The following SH2D6 variants were observed in gnomAD, a reference collection of about 807,000 sequenced individuals.
The protein encoded by SH2D6 is SH2 domain-containing protein 6.
SH2D6 carries 31 observed loss-of-function variants against 30.2 expected under a neutral mutation model. The observed-to-expected ratio is 1.03, with a 90% CI of 0.77 to 1.38. The LOEUF is 1.38. Ranked by LOEUF, SH2D6 falls within the 40% of genes most tolerant of loss-of-function variation. SH2D6 has a pLI of 0.00. For missense variants in SH2D6, 240 were observed against 266.8 expected (o/e 0.90, Z 0.70); for synonymous variants, 93 against 104.6 (o/e 0.89, Z 0.68).
rs374037861 is a variant in SH2D6 at position 85,424,673 on chromosome 2, G to A, written c.-308-635G>A. 2.6e-5 allele frequency among the ~76,000 whole-genome samples: 4 copies of A among 152,276 alleles called. No homozygotes were observed. In the East Asian group the frequency reaches 5.8e-4, roughly 22 times the overall value. The stretch of plus-strand genomic sequence containing the variant: ...AAGTTGAGGCTGGAGGATCAGTTGA[G>A]TCCTAACCTAAACTTGAGGCATGAG... On this transcript the variant is annotated intron_variant, in intron 5 of 23. Transcript: ENST00000469800.
chr2:85,429,756 C>G (rs1285287832), intron 9 of SH2D6, 144 bp downstream of exon 9: 1 of 152,848 alleles, frequency 6.5e-6, no homozygotes, highest in Non-Finnish European at 1.5e-5. Flanking sequence ...GCCTCCACTT[C>G]CTGTCAGCAC....
At position 85,436,490 on chromosome 2, in the gene SH2D6, G is replaced by A. The variant is rs545657895; in HGVS notation, c.916G>A (p.Val306Ile). 45 of 1,613,646 alleles carry A rather than the reference G, an allele frequency of 2.8e-5. No individual in the cohort carries two copies. In the South Asian group the frequency reaches 4.6e-4, roughly 17 times the overall value. Residue 306 changes from valine (V) to isoleucine (I), a missense_variant, in exon 23 of 24, where the codon GTC becomes ATC. Coordinates refer to ENST00000469800, the MANE Select transcript of SH2D6 (RefSeq NM_001394463.1). ...GCTCTTCTCCTCCGTGGCGGCCATG[G>A]TCCAGCACTTCATGTGGCACCCTCT... Reference protein sequence around the residue: ...EELFSSVAAMVQHFMWHPLPL... With the variant: ...EELFSSVAAMIQHFMWHPLPL...
intron 5 of SH2D6, among the ~76,000 whole-genome samples, chr2:85,424,424 C>T (rs1489948048): frequency 6.6e-6 from 1 of 152,138 alleles, no homozygotes; most frequent in African/African-American, 2.4e-5. Flanking sequence ...TTCTTTCTTT[C>T]TATCTATATT....
intron 17 of SH2D6, 49 bp downstream of exon 17, chr2:85,434,160 G>A: frequency 6.5e-7 from 1 of 1,540,650 alleles, no homozygotes; most frequent in East Asian, 2.5e-5. Flanking sequence ...GTGAGACACA[G>A]AGAGAGACAG....
At chr2:85,433,008 A>G (rs371311488) in intron 14 of SH2D6, 91 bp from the exon 15 acceptor site, 2 of 973,050 alleles carry the variant, frequency 2.1e-6, no homozygotes, top group Non-Finnish European at 2.4e-6. Context: ...GAGGCACCCT[A>G]AGGAGACTCT....
intron 7 of SH2D6, among the ~76,000 whole-genome samples, chr2:85,428,965 A>G (rs576508092): frequency 6.6e-6 from 1 of 152,374 alleles, no homozygotes; most frequent in East Asian, 1.9e-4. Flanking sequence ...AAATACATCC[A>G]TCAAAAAATG....
intron 14 of SH2D6, 78 bp from the exon 15 acceptor site, chr2:85,433,021 T>C (rs1688938032): frequency 1.0e-6 from 1 of 983,934 alleles, no homozygotes; most frequent in Non-Finnish European, 1.2e-6. Flanking sequence ...GAGACTCTGC[T>C]TTTTCAGCCT....
rs1687781127 is a variant in SH2D6 at position 85,422,430 on chromosome 2, T to A, written c.-464T>A. On this transcript the variant is annotated splice_region_variant and 5_prime_UTR_variant, in exon 4 of 24. Transcript: ENST00000469800. ...GAAATTCCACTAAAATTTCCTTAAG[T>A]CAACAGGACACAGAATGGTCTGCCT... is the stretch of plus-strand genomic sequence containing the variant. 1 of 152,146 alleles carries A rather than the reference T, an allele frequency of 6.6e-6. No homozygotes were observed. Among genetic ancestry groups the A allele is most frequent in the Admixed American group, 6.5e-5 (1 of 15,270 alleles). The allele number at this position is 152,146 out of a possible 1,614,324, so 9.4% of individuals were successfully genotyped here.
Position 85,434,373 on chromosome 2 carries a change from A to AAGAGGCTG in SH2D6, c.564+5_564+12dup, listed in dbSNP as rs1377841327. 6.5e-7 allele frequency: 1 copy of AAGAGGCTG among 1,549,988 alleles called. No homozygotes were observed. The highest frequency in any genetic ancestry group is 2.4e-5 in the East Asian group (1 of 40,908). On this transcript the variant is annotated splice_donor_region_variant and intron_variant, in intron 18 of 23. Transcript: ENST00000469800. ...CAGCCCCCCAGGAAACTCGGAATGTAAGAGGCTGATGGTCAGGGGAGAAGA... is the reference window on the plus strand; with the variant it reads ...CAGCCCCCCAGGAAACTCGGAATGTAAGAGGCTGAGAGGCTGATGGTCAGGGGAGAAGA...
chr2:85,420,880 G>A (rs572848523), intron 2 of SH2D6: 1 of 152,498 alleles, frequency 6.6e-6, no homozygotes, highest in East Asian at 1.9e-4. Context: ...ACAGTGGCCC[G>A]GGACGGGGTG....
chr2:85,436,084 G>T (rs1689422547), intron 22 of SH2D6, among the ~76,000 whole-genome samples: 1 of 152,064 alleles, frequency 6.6e-6, no homozygotes, highest in Non-Finnish European at 1.5e-5. Flanking sequence ...AGGAGGGCGG[G>T]GTCCAGGATC....
At chr2:85,435,011 G>A in intron 19 of SH2D6, 54 bp from the exon 20 acceptor site, 1 of 932,144 alleles carries the variant, frequency 1.1e-6, no homozygotes, top group Non-Finnish European at 1.4e-6. Context: ...AGCCACCTTT[G>A]CCCACCCCCA....
At position 85,430,834 on chromosome 2, in the gene SH2D6, G is replaced by A. The variant is rs1349642508; in HGVS notation, c.250+182G>A. The stretch of plus-strand genomic sequence containing the variant: ...GGGCAGGGAGAGAGAGAGGGATGAA[G>A]GAACGGAGGGAGGGAGGGTGGGAGG... On this transcript the variant is annotated intron_variant, in intron 12 of 23. Coordinates refer to ENST00000469800, the MANE Select transcript of SH2D6 (RefSeq NM_001394463.1). The surrounding 1 kb of genome is among the most constrained non-coding windows in gnomAD (Gnocchi z 4.3). Among the ~76,000 whole-genome samples, 1 of 141,886 alleles carries A rather than the reference G, an allele frequency of 7.0e-6. No individual in the cohort carries two copies. Among genetic ancestry groups the A allele is most frequent in the Non-Finnish European group, 1.6e-5 (1 of 64,430 alleles). 93.1% of individuals were successfully genotyped at this position (141,886 alleles called of 152,430 possible).
chr2:85,427,911 A>T (rs552815829), intron 6 of SH2D6, among the ~76,000 whole-genome samples: 1 of 152,006 alleles, frequency 6.6e-6, no homozygotes, highest in Non-Finnish European at 1.5e-5. Flanking sequence ...GTGTCTCCCC[A>T]GTGCCCCCAG....
intron 6 of SH2D6, among the ~76,000 whole-genome samples, chr2:85,426,238 G>T (rs116054284): frequency 6.6e-6 from 1 of 152,076 alleles, no homozygotes; most frequent in Non-Finnish European, 1.5e-5. Flanking sequence ...GCTACACTTC[G>T]CCATCTTCTC....
rs924096562 is a variant in SH2D6, at chr2:85,434,696, C to T, written c.589+199C>T. 9.5e-6 allele frequency: 13 copies of T among 1,370,674 alleles called. No homozygotes were observed. In the African/African-American group the frequency reaches 1.8e-4, roughly 19 times the overall value. The allele number at this position is 1,370,674 out of a possible 1,614,324, so 84.9% of individuals were successfully genotyped here. On this transcript the variant is annotated intron_variant, in intron 19 of 23. Transcript: ENST00000469800. ...GTGGTCCTGCCAGGGCCTGCCCCAG[C>T]CCCAGCCCTGCAGGCCAGACTCCCT...
chr2:85,435,441 A>G lies in SH2D6; in HGVS notation c.677A>G (p.Tyr226Cys). Reference sequence around the variant, plus strand: ...AGTGATCTGCTGACTCAGCCTTGGTACTCGGGGAACTGTGACCGCTATGCT... The same window carrying G: ...AGTGATCTGCTGACTCAGCCTTGGTGCTCGGGGAACTGTGACCGCTATGCT... The part of the protein sequence containing the change: ...EDSDLLTQPW[Y>C]SGNCDRYAVE... The change falls in exon 21 of 24, where the codon TAC becomes TGC. Residue 226 changes from tyrosine to cysteine, a missense_variant. Physicochemically the swap from Tyr to Cys is radical, Grantham distance 194. Transcript: ENST00000469800. 4 of 1,613,850 alleles carry G rather than the reference A, an allele frequency of 2.5e-6. No homozygotes were observed. The highest frequency in any genetic ancestry group is 3.4e-6 in the Non-Finnish European group (4 of 1,179,976).
intron 7 of SH2D6, among the ~76,000 whole-genome samples, 180 bp downstream of exon 7, chr2:85,428,877 A>G (rs6741133): frequency 0.36 from 54,848 of 151,884 alleles, 10,201 homozygotes; most frequent in African/African-American, 0.46. Flanking sequence ...TTCCTGCTTC[A>G]TTTTCCTACG....
At chr2:85,423,319 C>T (rs185413433) in intron 5 of SH2D6, among the ~76,000 whole-genome samples, 2 of 152,334 alleles carry the variant, frequency 1.3e-5, no homozygotes, top group African/African-American at 4.8e-5. Context: ...GCAACTCCCA[C>T]CTCCCAGGTT....
Sources: gnomAD v4.1 joint callset for allele counts (sites outside exome capture counted in the v4.1 genomes callset) on GRCh38, gnomAD v4.1.1 for gene constraint, Gnocchi (gnomAD v3.1) non-coding constraint, MANE v1.5 for transcripts, NCBI Gene and HGNC (gene_info 2026-07-23, HGNC 2026-07-21) for gene names.